Variants in GPC5 observed in about 807,000 individuals in gnomAD.
GPC5 encodes glypican 5.
GPC5 carries 47 observed loss-of-function variants against 53.9 expected under a neutral mutation model. The observed-to-expected ratio is 0.87, with a 90% confidence interval of 0.69 to 1.11. The LOEUF (loss-of-function observed/expected upper bound fraction) is 1.11. GPC5 is among the 50% of genes most tolerant of loss of function. The pLI is 0.00. For missense variants in GPC5, 748 were observed against 713.1 expected, an observed-to-expected ratio of 1.05 and a Z score of -0.56; for synonymous variants, 286 against 263.3, an observed-to-expected ratio of 1.09 and a Z score of -0.84.
chr13:91,475,169 T>C (rs983353169), intron 2 of GPC5, among the ~76,000 whole-genome samples: 2 of 152,224 alleles, frequency 1.3e-5, no homozygotes, highest in Non-Finnish European at 2.9e-5. Flanking sequence ...TTGTTTTTTA[T>C]TCTATCCTTC....
intron 7 of GPC5, among the ~76,000 whole-genome samples, chr13:92,424,252 AC>A (rs1345643497): frequency 1.3e-5 from 2 of 152,002 alleles, no homozygotes; most frequent in Non-Finnish European, 2.9e-5. Context: ...TTACAATAAA[AC>A]CAATTATTTA....
At position 92,202,045 on chromosome 13, in the gene GPC5, T is replaced by C. The variant is rs373958070; in HGVS notation, c.1561+57056T>C. On this transcript the variant is annotated intron_variant, in intron 7 of 7. Coordinates refer to ENST00000377067, the MANE Select transcript of GPC5 (RefSeq NM_004466.6). Reference sequence around the variant, plus strand: ...TCAATTAAATACTTAGGTCTTCATTTACACTATAAAGATTTTGGACTATAG... The same window carrying C: ...TCAATTAAATACTTAGGTCTTCATTCACACTATAAAGATTTTGGACTATAG... Among the ~76,000 whole-genome samples, 34 of 152,344 alleles carry C rather than the reference T, an allele frequency of 2.2e-4. 3 individuals carry two copies. The highest frequency in any genetic ancestry group is 7.7e-4 in the African/African-American group (32 of 41,592).
chr13:91,519,884 G>GAAA (rs5805702), intron 2 of GPC5, among the ~76,000 whole-genome samples: 2 of 150,996 alleles, frequency 1.3e-5, no homozygotes, highest in Non-Finnish European at 3.0e-5. Flanking sequence ...GTTGAAAATG[G>GAAA]AAAAAAAAAT....
intron 7 of GPC5, among the ~76,000 whole-genome samples, chr13:92,576,158 T>C (rs189968963): frequency 1.3e-5 from 2 of 152,356 alleles, no homozygotes; most frequent in Admixed American, 1.3e-4. Context: ...ATAAAATCTG[T>C]TCTCTTCATA....
At chr13:91,547,839 G>T (rs2030384740) in intron 2 of GPC5, among the ~76,000 whole-genome samples, 1 of 152,038 alleles carries the variant, frequency 6.6e-6, no homozygotes, top group Admixed American at 6.6e-5. Context: ...ATCAATTAAT[G>T]ATTTCAATAT....
chr13:92,525,977 A>G (rs1357343043), intron 7 of GPC5, among the ~76,000 whole-genome samples: 1 of 152,096 alleles, frequency 6.6e-6, no homozygotes. Context: ...AATTTCTATA[A>G]TATAATCTCC....
intron 7 of GPC5, among the ~76,000 whole-genome samples, chr13:92,352,521 A>G (rs1404484800): frequency 1.3e-5 from 2 of 152,170 alleles, no homozygotes; most frequent in Non-Finnish European, 2.9e-5. Flanking sequence ...AGGAAATGCT[A>G]ATAATTCAAT....
chr13:91,678,456 A>G (rs1246120733), intron 2 of GPC5, among the ~76,000 whole-genome samples: 1 of 152,192 alleles, frequency 6.6e-6, no homozygotes, highest in Non-Finnish European at 1.5e-5. Flanking sequence ...AAACAAATGG[A>G]TATATTTTAA....
chr13:92,001,601 A>G (rs1308854198), intron 6 of GPC5, among the ~76,000 whole-genome samples: 2 of 152,204 alleles, frequency 1.3e-5, no homozygotes, highest in Non-Finnish European at 1.5e-5. Flanking sequence ...TTTAATTGAA[A>G]AAATGGCCAT....
intron 2 of GPC5, among the ~76,000 whole-genome samples, chr13:91,595,652 G>T (rs1185562025): frequency 6.6e-6 from 1 of 152,042 alleles, no homozygotes; most frequent in East Asian, 1.9e-4. Flanking sequence ...CCTTTAAGCA[G>T]GCGCATTTGT....
At chr13:91,725,004 A>G (rs1289183425) in intron 3 of GPC5, 1 of 152,264 alleles carries the variant, frequency 6.6e-6, no homozygotes, top group Non-Finnish European at 1.5e-5. Context: ...CTGAGTGCAC[A>G]GTTGGGGGAG....
intron 7 of GPC5, among the ~76,000 whole-genome samples, chr13:92,301,914 T>TAAATA (rs1490212722): frequency 1.3e-5 from 2 of 150,376 alleles, no homozygotes; most frequent in South Asian, 2.1e-4. Context: ...ATAAATAAAT[T>TAAATA]AATTAATTAA....
chr13:92,377,612 T>C (rs1042341515), intron 7 of GPC5, among the ~76,000 whole-genome samples: 1 of 152,194 alleles, frequency 6.6e-6, no homozygotes, highest in East Asian at 1.9e-4. Flanking sequence ...AGCAAAAGCA[T>C]ACTAACTTAT....
intron 7 of GPC5, among the ~76,000 whole-genome samples, chr13:92,725,141 T>G (rs2139292292): frequency 6.6e-6 from 1 of 151,738 alleles, no homozygotes; most frequent in African/African-American, 2.4e-5. Context: ...ATACTGAATT[T>G]TAGAAGATAT....
At chr13:92,029,973 T>C (rs905939018) in intron 6 of GPC5, among the ~76,000 whole-genome samples, 2 of 152,146 alleles carry the variant, frequency 1.3e-5, no homozygotes, top group African/African-American at 4.8e-5. Flanking sequence ...CTAGGAGAAT[T>C]GTTTGGAATC....
At chr13:91,589,310 C>G (rs566783217) in intron 2 of GPC5, among the ~76,000 whole-genome samples, 1 of 151,960 alleles carries the variant, frequency 6.6e-6, no homozygotes, top group Non-Finnish European at 1.5e-5. Context: ...TGCCTTTCCC[C>G]ACTTCCTTTT....
intron 2 of GPC5, among the ~76,000 whole-genome samples, chr13:91,461,998 T>C (rs1175628814): frequency 1.3e-5 from 2 of 152,176 alleles, no homozygotes; most frequent in Non-Finnish European, 2.9e-5. Flanking sequence ...AGCAGACTTT[T>C]CTGCTGCCCA....
intron 7 of GPC5, among the ~76,000 whole-genome samples, chr13:92,202,537 A>G (rs1460073326): frequency 6.6e-6 from 1 of 152,224 alleles, no homozygotes; most frequent in African/African-American, 2.4e-5. Context: ...ACTAGAACAA[A>G]CAAATAGTTA....
At chr13:92,417,273 T>C (rs1876353169) in intron 7 of GPC5, among the ~76,000 whole-genome samples, 1 of 152,172 alleles carries the variant, frequency 6.6e-6, no homozygotes, top group South Asian at 2.1e-4. Context: ...TCCTTAGCTG[T>C]CAGTAAAATG....
Sources: gnomAD v4.1 joint callset for allele counts (sites outside exome capture counted in the v4.1 genomes callset) on GRCh38, gnomAD v4.1.1 for gene constraint, MANE v1.5 for transcripts, NCBI Gene and HGNC (gene_info 2026-07-23, HGNC 2026-07-21) for gene names.